Variants in TMCC1 observed in about 807,000 individuals in gnomAD.
The protein encoded by TMCC1 is transmembrane and coiled-coil domain family 1, also known as transmembrane and coiled-coil domains protein 1.
A neutral mutation model predicts 52.4 loss-of-function variants in TMCC1; 15 were observed. The observed-to-expected ratio is 0.29, with a 90% CI of 0.19 to 0.44. The LOEUF (loss-of-function observed/expected upper bound fraction) is 0.44. TMCC1 is among the 20% of genes least tolerant of loss of function. The pLI is 1.00. For missense variants in TMCC1, 503 were observed against 806.0 expected (o/e 0.62, Z 4.55); for synonymous variants, 279 against 301.9 (o/e 0.92, Z 0.79).
chr3:129,720,029 T>C (rs542216523), intron 4 of TMCC1, among the ~76,000 whole-genome samples: 2 of 151,410 alleles, frequency 1.3e-5, no homozygotes, highest in African/African-American at 4.9e-5. Flanking sequence ...AAAAAAGAAA[T>C]AAATTAGCAA....
At position 129,670,334 on chromosome 3, in the gene TMCC1, A is replaced by G. The variant is rs2087818032; in HGVS notation, c.1507T>C (p.Tyr503His). 1 of 1,612,792 alleles carries G rather than the reference A, an allele frequency of 6.2e-7. No individual in the cohort carries two copies. The change falls in exon 5 of 7, where the codon TAT (tyrosine) becomes CAT (histidine). Residue 503 changes from tyrosine to histidine, a missense_variant. Transcript: ENST00000393238. Reference sequence around the variant, plus strand: ...TATTAATTCCATGTGACTTACCTATATCGCTCCTCCTGTAAGGTCTGCATT... The same window carrying G: ...TATTAATTCCATGTGACTTACCTATGTCGCTCCTCCTGTAAGGTCTGCATT... ...LIMQTLQEER[Y>H]RCERLEEQLN... is the part of the protein sequence containing the mutation.
At chr3:129,707,075 T>C (rs951265666) in intron 4 of TMCC1, among the ~76,000 whole-genome samples, 3 of 152,158 alleles carry the variant, frequency 2.0e-5, no homozygotes, top group Non-Finnish European at 4.4e-5. Context: ...AAACCAGATT[T>C]AGAAGTTGGT....
At chr3:129,685,140 A>G (rs1461086190) in intron 4 of TMCC1, among the ~76,000 whole-genome samples, 1 of 152,190 alleles carries the variant, frequency 6.6e-6, no homozygotes, top group East Asian at 1.9e-4. Flanking sequence ...GCACTTTGGA[A>G]GGCAGACACA....
At chr3:129,789,082 G>A (rs1044555698) in intron 4 of TMCC1, among the ~76,000 whole-genome samples, 4 of 152,148 alleles carry the variant, frequency 2.6e-5, no homozygotes, top group African/African-American at 9.7e-5. Flanking sequence ...AAAAGCATAA[G>A]AAGGAAAGGT....
intron 4 of TMCC1, among the ~76,000 whole-genome samples, chr3:129,756,675 G>A (rs556463822): frequency 3.3e-5 from 5 of 152,274 alleles, no homozygotes; most frequent in Admixed American, 6.5e-5. Context: ...GGGATTACAG[G>A]CGTGAGCCAC....
At chr3:129,818,085 C>A (rs966184301) in intron 4 of TMCC1, among the ~76,000 whole-genome samples, 4 of 152,030 alleles carry the variant, frequency 2.6e-5, no homozygotes, top group Non-Finnish European at 5.9e-5. Context: ...GCTGGGATTA[C>A]AGTCGTGAGC....
intron 5 of TMCC1, among the ~76,000 whole-genome samples, chr3:129,661,789 A>G (rs1237994982): frequency 6.6e-6 from 1 of 152,096 alleles, no homozygotes; most frequent in Non-Finnish European, 1.5e-5. Context: ...GTGACAGAGT[A>G]AGACCTTGTC....
intron 4 of TMCC1, among the ~76,000 whole-genome samples, chr3:129,720,201 A>AAAAAAAAAAAAAAAAAAGAG (rs1560263938): frequency 4.0e-5 from 6 of 151,192 alleles, no homozygotes; most frequent in African/African-American, 1.5e-4. Flanking sequence ...AAAAAAAAAA[A>AAAAAAAAAAAAAAAAAAGAG]AGAGATGGAA....
intron 4 of TMCC1, among the ~76,000 whole-genome samples, chr3:129,769,200 C>T (rs189279015): frequency 2.0e-5 from 3 of 152,338 alleles, no homozygotes; most frequent in Admixed American, 6.5e-5. Flanking sequence ...TGCAGCCAAA[C>T]ACAAATTCAT....
Position 129,790,177 on chromosome 3 carries a change from C to T in TMCC1, c.576+37626G>A, listed in dbSNP as rs139112848. Reference sequence around the variant, plus strand: ...AGTGGCTGCTGTGAGGCTACCTCTACCCTAAAGTAAGTCTCACATGAAAAC... The same window carrying T: ...AGTGGCTGCTGTGAGGCTACCTCTATCCTAAAGTAAGTCTCACATGAAAAC... On this transcript the variant is annotated intron_variant, in intron 4 of 6. Coordinates refer to ENST00000393238, the MANE Select transcript of TMCC1 (RefSeq NM_001017395.5). Among the ~76,000 whole-genome samples, 14 of 152,264 alleles carry T rather than the reference C, an allele frequency of 9.2e-5. No homozygotes were observed. The East Asian group carries it at 2.7e-3, about 29-fold the overall frequency.
At chr3:129,885,790 T>A (rs779798622) in intron 1 of TMCC1, among the ~76,000 whole-genome samples, 2 of 151,772 alleles carry the variant, frequency 1.3e-5, no homozygotes, top group Non-Finnish European at 2.9e-5. Context: ...GTCACCAGGT[T>A]GGAGTGCAGT....
At chr3:129,860,463 T>C (rs987091614) in intron 2 of TMCC1, among the ~76,000 whole-genome samples, 1 of 152,170 alleles carries the variant, frequency 6.6e-6, no homozygotes, top group Admixed American at 6.5e-5. Context: ...ACTATCAAGA[T>C]ACAAATATGT....
At chr3:129,786,746 G>A (rs1161760327) in intron 4 of TMCC1, among the ~76,000 whole-genome samples, 2 of 152,152 alleles carry the variant, frequency 1.3e-5, no homozygotes, top group South Asian at 2.1e-4. Flanking sequence ...AAAGGTACTC[G>A]AGTTCCAATA....
At chr3:129,808,072 T>C (rs776421404) in intron 4 of TMCC1, among the ~76,000 whole-genome samples, 1 of 110,236 alleles carries the variant, frequency 9.1e-6, no homozygotes, top group Non-Finnish European at 1.8e-5. Context: ...TATTGAGAGA[T>C]TTTGGGAGGA....
At chr3:129,871,589 G>C (rs572554894) in intron 2 of TMCC1, among the ~76,000 whole-genome samples, 1 of 151,910 alleles carries the variant, frequency 6.6e-6, no homozygotes, top group Non-Finnish European at 1.5e-5. Flanking sequence ...TTACAATCCC[G>C]TGTAACCACA....
chr3:129,785,034 G>A (rs73866126), intron 4 of TMCC1, among the ~76,000 whole-genome samples: 2,357 of 152,226 alleles, frequency 0.015, 48 homozygotes, highest in African/African-American at 0.055. Context: ...TGACATTTCA[G>A]CTGAGACCTC....
chr3:129,713,941 C>G (rs2048882025), intron 4 of TMCC1, among the ~76,000 whole-genome samples: 1 of 152,076 alleles, frequency 6.6e-6, no homozygotes, highest in Non-Finnish European at 1.5e-5. Context: ...AGAATCATCT[C>G]AGAATACTCG....
intron 1 of TMCC1, among the ~76,000 whole-genome samples, chr3:129,887,109 T>C (rs2061742571): frequency 6.6e-6 from 1 of 152,050 alleles, no homozygotes. Flanking sequence ...GTGATGAAAA[T>C]GTTCTAGAGT....
chr3:129,693,015 G>A (rs2047136128), intron 4 of TMCC1, among the ~76,000 whole-genome samples: 2 of 151,948 alleles, frequency 1.3e-5, no homozygotes, highest in Admixed American at 1.3e-4. Flanking sequence ...GCTAATTTTT[G>A]TATTTTTTTG....
Sources: allele counts gnomAD v4.1 joint callset (sites outside exome capture counted in the v4.1 genomes callset), GRCh38; gene constraint gnomAD v4.1.1; transcripts MANE v1.5; gene names NCBI Gene and HGNC (gene_info 2026-07-23, HGNC 2026-07-21).